DCPH1: variants seen among roughly 807,000 people sequenced by gnomAD.
DCPH1 encodes damage-control phosphatase 1.
the DCPH1 span, chr6:151,464,491 AAG>A: frequency 1.9e-6 from 3 of 1,609,984 alleles, no homozygotes; most frequent in Non-Finnish European, 2.5e-6. Context: ...AAAGAATCAA[AAG>A]AGCAAAATTT....
At chr6:151,461,943 T>G in the DCPH1 span, among the ~76,000 whole-genome samples, 4 of 152,346 alleles carry the variant, frequency 2.6e-5, no homozygotes, top group East Asian at 7.7e-4. Flanking sequence ...GAGCCAGCAC[T>G]GAAGTAATTC....
At chr6:151,463,777 A>C in the DCPH1 span, among the ~76,000 whole-genome samples, 1 of 152,228 alleles carries the variant, frequency 6.6e-6, no homozygotes, top group African/African-American at 2.4e-5. Flanking sequence ...TCAATTCAGT[A>C]AAGATTATTA....
the DCPH1 span, among the ~76,000 whole-genome samples, chr6:151,465,762 G>A: frequency 1.3e-5 from 2 of 152,142 alleles, no homozygotes; most frequent in African/African-American, 4.8e-5. Context: ...GGTAGCATAA[G>A]AGTTAGTGAC....
At chr6:151,459,809 C>T in the DCPH1 span, among the ~76,000 whole-genome samples, 1 of 151,638 alleles carries the variant, frequency 6.6e-6, no homozygotes, top group African/African-American at 2.4e-5. Context: ...AAACAAAAAA[C>T]TGTTATTTAT....
chr6:151,467,113 G>A, the DCPH1 span, among the ~76,000 whole-genome samples: 2 of 151,928 alleles, frequency 1.3e-5, no homozygotes, highest in Non-Finnish European at 2.9e-5. Context: ...TTAGCCAGGC[G>A]TGGTGGTGGG....
chr6:151,452,828 G>A, the DCPH1 span: 622 of 468,040 alleles, frequency 1.3e-3, 3 homozygotes, highest in African/African-American at 0.011. Flanking sequence ...GGTCAGCTTC[G>A]CGGTCTGTTC....
the DCPH1 span, chr6:151,468,383 G>C: frequency 8.9e-6 from 14 of 1,580,234 alleles, no homozygotes; most frequent in Admixed American, 2.7e-4. Context: ...TCTCTCTCAG[G>C]TGGAGAAAGT....
the DCPH1 span, chr6:151,464,411 G>T: frequency 3.6e-5 from 53 of 1,465,666 alleles, no homozygotes; most frequent in Non-Finnish European, 4.7e-5. Flanking sequence ...TTATCCAAAT[G>T]TACAAACTAA....
At chr6:151,464,096 TC>T in the DCPH1 span, among the ~76,000 whole-genome samples, 1 of 152,228 alleles carries the variant, frequency 6.6e-6, no homozygotes. Context: ...CTCTGCCACA[TC>T]GGTGGTTAAA....
chr6:151,456,019 G>C, the DCPH1 span, among the ~76,000 whole-genome samples: 1 of 152,226 alleles, frequency 6.6e-6, no homozygotes, highest in African/African-American at 2.4e-5. Flanking sequence ...ACTCCGAGTT[G>C]ACACAGCACA....
At chr6:151,462,990 A>C in the DCPH1 span, among the ~76,000 whole-genome samples, 1 of 152,228 alleles carries the variant, frequency 6.6e-6, no homozygotes, top group Admixed American at 6.5e-5. Flanking sequence ...GTGTGAATGC[A>C]ACCTTAAATA....
the DCPH1 span, among the ~76,000 whole-genome samples, chr6:151,467,118 G>A: frequency 6.6e-6 from 1 of 151,968 alleles, no homozygotes; most frequent in African/African-American, 2.4e-5. Flanking sequence ...CAGGCGTGGT[G>A]GTGGGCGGCT....
the DCPH1 span, among the ~76,000 whole-genome samples, chr6:151,467,447 T>C: frequency 1.3e-5 from 2 of 151,734 alleles, no homozygotes; most frequent in Non-Finnish European, 2.9e-5. Context: ...AAAAAAAAAA[T>C]CACAAATGAG....
chr6:151,457,852 C>T, the DCPH1 span, among the ~76,000 whole-genome samples: 2 of 151,890 alleles, frequency 1.3e-5, no homozygotes, highest in Non-Finnish European at 2.9e-5. Context: ...TGTCCCCACT[C>T]CAATTGGCCT....
chr6:151,461,255 G>T, the DCPH1 span, among the ~76,000 whole-genome samples: 1 of 152,292 alleles, frequency 6.6e-6, no homozygotes, highest in African/African-American at 2.4e-5. Flanking sequence ...GAGGAATGCT[G>T]TTTCTGAGTT....
chr6:151,465,698 A>T, the DCPH1 span, among the ~76,000 whole-genome samples: 1 of 152,134 alleles, frequency 6.6e-6, no homozygotes, highest in African/African-American at 2.4e-5. Flanking sequence ...CTGAAGGTGG[A>T]AATGGGGAGA....
the DCPH1 span, among the ~76,000 whole-genome samples, chr6:151,459,656 T>G: frequency 2.0e-5 from 3 of 152,244 alleles, no homozygotes; most frequent in Admixed American, 2.0e-4. Context: ...CCAGGTGTGG[T>G]GGCACATGCC....
chr6:151,464,564 T>G, the DCPH1 span: 1 of 1,611,378 alleles, frequency 6.2e-7, no homozygotes, highest in Middle Eastern at 1.7e-4. Context: ...TGATAAGAAC[T>G]ATTGAAGACC....
chr6:151,469,005 T>G, the DCPH1 span: 1 of 1,614,206 alleles, frequency 6.2e-7, no homozygotes, highest in Non-Finnish European at 8.5e-7. Context: ...AAGCTGAAAT[T>G]CAGGTTGGTC....
Sources: gnomAD v4.1 joint callset for allele counts (sites outside exome capture counted in the v4.1 genomes callset) on GRCh38, gnomAD v4.1.1 for gene constraint, MANE v1.5 for transcripts, NCBI Gene and HGNC (gene_info 2026-07-23, HGNC 2026-07-21) for gene names.